Variants in ATP13A3 observed in about 807,000 individuals in gnomAD.
ATP13A3 encodes ATPase 13A3.
ATP13A3 carries 59 observed loss-of-function variants against 158.1 expected under a neutral mutation model. That is an observed-to-expected ratio of 0.37 (90% confidence interval 0.30 to 0.46). The LOEUF (loss-of-function observed/expected upper bound fraction) is 0.46, where lower values mean the gene tolerates loss of function less well. Ranked by LOEUF, ATP13A3 falls within the 20% of genes least tolerant of loss-of-function variation. The pLI, the probability that ATP13A3 is intolerant of heterozygous loss-of-function variation, is 1.00. For missense variants in ATP13A3, 1,166 were observed against 1,525.2 expected (o/e 0.76, Z 3.92); for synonymous variants, 491 against 504.3 (o/e 0.97, Z 0.35).
intron 13 of ATP13A3, among the ~76,000 whole-genome samples, chr3:194,447,536 G>C (rs1366145691): frequency 6.7e-6 from 1 of 150,012 alleles, no homozygotes; most frequent in African/African-American, 2.4e-5. Flanking sequence ...GTAAAAAAGA[G>C]AAAATAAAGC....
intron 17 of ATP13A3, among the ~76,000 whole-genome samples, chr3:194,438,350 C>A (rs934066761): frequency 1.6e-4 from 25 of 151,960 alleles, no homozygotes; most frequent in Non-Finnish European, 2.9e-4. Flanking sequence ...TAATAATAAA[C>A]TAAGGGGAAT....
At chr3:194,475,558 G>A (rs758970290) in intron 2 of ATP13A3, among the ~76,000 whole-genome samples, 26 of 152,148 alleles carry the variant, frequency 1.7e-4, no homozygotes, top group East Asian at 3.9e-4. Flanking sequence ...TGCAAAGGCC[G>A]TAACATTTAC....
chr3:194,432,533 CTATGACCTTTGG>C (rs761494136), intron 21 of ATP13A3, among the ~76,000 whole-genome samples: 2 of 152,062 alleles, frequency 1.3e-5, no homozygotes, highest in Non-Finnish European at 2.9e-5. Flanking sequence ...GAATATCTTC[CTATGACCTTTGG>C]TACACAAAGC....
chr3:194,450,078 C>G (rs1298335324), intron 11 of ATP13A3, 67 bp downstream of exon 11: 1 of 1,512,630 alleles, frequency 6.6e-7, no homozygotes, highest in Non-Finnish European at 9.1e-7. Context: ...TTTGAAAAGG[C>G]TTACTCACTA....
At position 194,433,859 on chromosome 3, in the gene ATP13A3, T is replaced by C. The variant is rs762714187; in HGVS notation, c.2158A>G (p.Ile720Val). Residue 720 changes from isoleucine (I) to valine (V), a missense_variant, in exon 21 of 34, where the codon ATT (isoleucine) becomes GTT (valine). Coordinates refer to ENST00000645319, the MANE Select transcript of ATP13A3 (RefSeq NM_001367549.1). ...IENNMDFMGL[I>V]IMQNKLKQET... ...TGCTTTAATTTGTTCTGCATTATAA[T>C]TAATCCCATAAAATCCATGTTGTTC... The C allele has an allele frequency of 1.2e-6, 2 of 1,613,990 alleles. No homozygotes were observed. The highest frequency in any genetic ancestry group is 3.3e-5 in the Admixed American group (2 of 60,030).
rs749972317 is a variant in ATP13A3, at chr3:194,441,357, A to G, written c.1664T>C (p.Leu555Pro). 2 of 1,613,866 alleles carry G rather than the reference A, an allele frequency of 1.2e-6. No individual in the cohort carries two copies. The highest frequency in any genetic ancestry group is 1.7e-6 in the Non-Finnish European group (2 of 1,179,796). The change falls in exon 16 of 34, where the codon CTC becomes CCC. Residue 555 changes from leucine to proline, a missense_variant. Coordinates refer to ENST00000645319, the MANE Select transcript of ATP13A3 (RefSeq NM_001367549.1). ...TTTCAGATCAAGTGGATCACCAGAG[A>G]GCACTCCTTCAATTTTTGTAAGTGA... Reference protein sequence around the residue: ...CHSLTKIEGVLSGDPLDLKMF... With the variant: ...CHSLTKIEGVPSGDPLDLKMF...
chr3:194,443,980 T>C (rs116296955), intron 15 of ATP13A3, among the ~76,000 whole-genome samples: 2,152 of 147,794 alleles, frequency 0.015, 17 homozygotes, highest in Middle Eastern at 0.031. Flanking sequence ...AGATGCTCAA[T>C]TTTATAAGAA....
At chr3:194,412,137 G>T in intron 33 of ATP13A3, 62 bp downstream of exon 33, 1 of 1,277,948 alleles carries the variant, frequency 7.8e-7, no homozygotes, top group Non-Finnish European at 1.1e-6. Flanking sequence ...AGAGAATACA[G>T]AGTACACAAG....
chr3:194,407,976 G>T (rs1424191043), intron 33 of ATP13A3, among the ~76,000 whole-genome samples: 2 of 150,692 alleles, frequency 1.3e-5, no homozygotes, highest in Admixed American at 1.3e-4. Context: ...CAATCTAATT[G>T]TGGGAAAAAA....
At chr3:194,456,189 T>C (rs1478152573) in intron 7 of ATP13A3, among the ~76,000 whole-genome samples, 3 of 152,114 alleles carry the variant, frequency 2.0e-5, no homozygotes, top group Non-Finnish European at 4.4e-5. Flanking sequence ...CATCTTTATG[T>C]GTGACAAGTA....
intron 10 of ATP13A3, chr3:194,452,114 G>A (rs964693831): frequency 6.6e-6 from 1 of 152,340 alleles, no homozygotes; most frequent in African/African-American, 2.4e-5. Context: ...CAGCACTCTG[G>A]GAGGCCAAGG....
At chr3:194,470,903 A>G (rs1478536234) in intron 2 of ATP13A3, among the ~76,000 whole-genome samples, 1 of 152,206 alleles carries the variant, frequency 6.6e-6, no homozygotes, top group East Asian at 1.9e-4. Flanking sequence ...CAGAAGTAAA[A>G]TGGCTTAGAG....
rs1195158296 is a variant in ATP13A3, at chr3:194,425,540, T to A, written c.3126-11A>T. 7 of 1,586,096 alleles carry A rather than the reference T, an allele frequency of 4.4e-6. No homozygotes were observed. Among genetic ancestry groups the A allele is most frequent in the Admixed American group, 3.8e-5 (2 of 52,962 alleles). On this transcript the variant is annotated splice_polypyrimidine_tract_variant and intron_variant, in intron 29 of 33. Transcript: ENST00000645319. ...GTTGTATTACAAGCACTAGAACACA[T>A]GCAAAAAATGTCTGCATTAGTAAAC... is the stretch of plus-strand genomic sequence containing the variant.
intron 8 of ATP13A3, among the ~76,000 whole-genome samples, 179 bp from the exon 9 acceptor site, chr3:194,454,571 G>A (rs1185407968): frequency 6.6e-6 from 1 of 152,216 alleles, no homozygotes; most frequent in African/African-American, 2.4e-5. Flanking sequence ...GCTCACGCCT[G>A]TAATCCCAGC....
Position 194,404,318 on chromosome 3 carries a change from C to T in ATP13A3, c.*1601G>A, listed in dbSNP as rs772273076. 7.4e-6 allele frequency: 2 copies of T among 270,148 alleles called. No homozygotes were observed. Among genetic ancestry groups the T allele is most frequent in the Non-Finnish European group, 1.4e-5 (2 of 138,206 alleles). The allele number at this position is 270,148 out of a possible 1,614,324, so 16.7% of individuals were successfully genotyped here. On this transcript the variant is annotated 3_prime_UTR_variant, in exon 34 of 34. Transcript: ENST00000645319. Reference sequence around the variant, plus strand: ...AGTGGCAATAGCAGTAACAGTGATCCTGAGTGTAATTTCTATTTTTCTATA... The same window carrying T: ...AGTGGCAATAGCAGTAACAGTGATCTTGAGTGTAATTTCTATTTTTCTATA...
intron 2 of ATP13A3, among the ~76,000 whole-genome samples, chr3:194,469,910 T>C (rs1262781658): frequency 6.6e-6 from 1 of 152,252 alleles, no homozygotes. Context: ...GCCTTAACTT[T>C]AGTCATTGAA....
chr3:194,469,381 A>C (rs1171056582), intron 2 of ATP13A3, among the ~76,000 whole-genome samples: 1 of 151,506 alleles, frequency 6.6e-6, no homozygotes, highest in African/African-American at 2.4e-5. Flanking sequence ...AATTGCTTGA[A>C]CCCAGGAGGC....
intron 17 of ATP13A3, among the ~76,000 whole-genome samples, chr3:194,438,033 G>A (rs1218063055): frequency 2.6e-5 from 4 of 152,068 alleles, no homozygotes; most frequent in Non-Finnish European, 4.4e-5. Flanking sequence ...GGTGGCGTGC[G>A]CCTGTAATAC....
intron 2 of ATP13A3, among the ~76,000 whole-genome samples, chr3:194,466,716 T>C (rs933501649): frequency 6.6e-6 from 1 of 152,114 alleles, no homozygotes; most frequent in African/African-American, 2.4e-5. Context: ...CTGGGTGCAG[T>C]GGTGCATGCC....
Sources: allele counts gnomAD v4.1 joint callset (sites outside exome capture counted in the v4.1 genomes callset), GRCh38; gene constraint gnomAD v4.1.1; transcripts MANE v1.5; gene names NCBI Gene and HGNC (gene_info 2026-07-23, HGNC 2026-07-21).